The following PLEKHM3 variants were observed in gnomAD, a reference collection of about 807,000 sequenced individuals.
The protein encoded by PLEKHM3 is pleckstrin homology domain containing M3.
Under a neutral mutation model 81.8 loss-of-function variants are expected in PLEKHM3, and 45 were observed. The observed-to-expected ratio is 0.55, with a 90% CI of 0.43 to 0.71. The LOEUF is 0.71. Among genes scored for constraint, PLEKHM3 ranks in the 30% least tolerant of loss-of-function variants. PLEKHM3 has a pLI of 0.00. For synonymous variants in PLEKHM3, 352 were observed against 356.4 expected (o/e 0.99, Z 0.14); for missense variants, 788 against 924.3 (o/e 0.85, Z 1.91).
intron 6 of PLEKHM3, chr2:207,901,130 G>GGGCAACAGGGCTCTCTATCCACCCC: frequency 1.6e-6 from 1 of 630,768 alleles, no homozygotes; most frequent in East Asian, 2.7e-5. Context: ...CTTCTCACCT[G>GGGCAACAGGGCTCTCTATCCACCCC]GGCAACAGGG....
At chr2:207,971,564 TAA>T (rs76822691) in intron 3 of PLEKHM3, among the ~76,000 whole-genome samples, 8 of 138,614 alleles carry the variant, frequency 5.8e-5, no homozygotes, top group Admixed American at 7.2e-5. Context: ...TTTTTTTAAC[TAA>T]AAAAAAAAAA....
rs904477151 is a variant in PLEKHM3 at position 207,989,242 on chromosome 2, T to C, written c.611-11656A>G. On this transcript the variant is annotated intron_variant, in intron 2 of 7. Transcript: ENST00000427836. ...TCGTGTCAACAGAGTTTATAGCCCA[T>C]AGTGGAGAAAAGATGGGCCCCAAAG... 5.3e-5 allele frequency among the ~76,000 whole-genome samples: 8 copies of C among 152,282 alleles called. No individual in the cohort carries two copies. The South Asian group carries it at 1.5e-3, about 28-fold the overall frequency.
chr2:207,943,729 G>A (rs1436192124), intron 4 of PLEKHM3, among the ~76,000 whole-genome samples: 13 of 150,978 alleles, frequency 8.6e-5, no homozygotes, highest in African/African-American at 2.7e-4. Flanking sequence ...TTAGCCGGGC[G>A]TAGTGGCGGG....
chr2:207,934,780 T>A (rs1487972057), intron 4 of PLEKHM3, among the ~76,000 whole-genome samples: 1 of 152,244 alleles, frequency 6.6e-6, no homozygotes, highest in African/African-American at 2.4e-5. Context: ...TGTCACTTGA[T>A]TTGAACATTA....
In PLEKHM3 at chr2:207,898,169, A is replaced by C. The variant is rs564646660; in HGVS notation, c.1950+10345T>G. Among the ~76,000 whole-genome samples, 13 of 152,334 alleles carry C rather than the reference A, an allele frequency of 8.5e-5. No homozygotes were observed. The East Asian group carries it at 2.5e-3, about 29-fold the overall frequency. On this transcript the variant is annotated intron_variant, in intron 6 of 7. Coordinates refer to ENST00000427836, the MANE Select transcript of PLEKHM3 (RefSeq NM_001080475.3). Reference sequence around the variant, plus strand: ...CAAAAGCAGGCATTCTCTATTATAAAGCAGAGGTCAAAACTGGTGGCTGTG... The same window carrying C: ...CAAAAGCAGGCATTCTCTATTATAACGCAGAGGTCAAAACTGGTGGCTGTG...
rs753318137 is a variant in PLEKHM3 at position 207,861,279 on chromosome 2, G to C, written c.1951-17C>G. The C allele has an allele frequency of 1.2e-6, 2 of 1,612,478 alleles. No individual in the cohort carries two copies. Among genetic ancestry groups the C allele is most frequent in the Non-Finnish European group, 1.7e-6 (2 of 1,179,430 alleles). On this transcript the variant is annotated splice_polypyrimidine_tract_variant and intron_variant, in intron 6 of 7. Coordinates refer to ENST00000427836, the MANE Select transcript of PLEKHM3 (RefSeq NM_001080475.3). ...CTCTATTACCTGCAGAAAGAGAAAT[G>C]GGACAGGGAAGCACATTTATTGAGA...
In PLEKHM3 at chr2:207,976,464, T is replaced by C. The variant is rs1043044231; in HGVS notation, c.1546+187A>G. On this transcript the variant is annotated intron_variant, in intron 3 of 7. Coordinates refer to ENST00000427836, the MANE Select transcript of PLEKHM3 (RefSeq NM_001080475.3). The surrounding 1 kb of genome is among the most constrained non-coding windows in gnomAD (Gnocchi z 4.1). ...CAACAGCATGGGATAAAGATGGTTG[T>C]CCTTATGTTTTAATATAGTAATTTA... Among the ~76,000 whole-genome samples, 4 of 152,256 alleles carry C rather than the reference T, an allele frequency of 2.6e-5. No homozygotes were observed. The highest frequency in any genetic ancestry group is 9.6e-5 in the African/African-American group (4 of 41,474).
At chr2:207,884,285 C>T (rs1173689890) in intron 6 of PLEKHM3, among the ~76,000 whole-genome samples, 2 of 152,130 alleles carry the variant, frequency 1.3e-5, no homozygotes, top group South Asian at 2.1e-4. Context: ...GAACTAGATA[C>T]GATGTCTGCT....
At chr2:207,928,359 A>T (rs1330864292) in intron 5 of PLEKHM3, among the ~76,000 whole-genome samples, 1 of 152,376 alleles carries the variant, frequency 6.6e-6, no homozygotes, top group Middle Eastern at 3.4e-3. Context: ...CTTTCTTGAC[A>T]TAGCAGCAGG....
chr2:207,901,671 A>G (rs896369175), intron 6 of PLEKHM3, among the ~76,000 whole-genome samples: 19 of 152,198 alleles, frequency 1.2e-4, no homozygotes, highest in African/African-American at 2.4e-5. Context: ...TCAAAGGATA[A>G]CACTCAATCC....
chr2:207,891,644 A>G (rs1430685583), intron 6 of PLEKHM3, among the ~76,000 whole-genome samples: 5 of 152,258 alleles, frequency 3.3e-5, no homozygotes, highest in Admixed American at 2.6e-4. Context: ...GTCCTAAAGA[A>G]AAAAACCAAA....
chr2:207,927,979 T>TAATTA (rs1559241499), intron 5 of PLEKHM3, among the ~76,000 whole-genome samples: 1 of 152,182 alleles, frequency 6.6e-6, no homozygotes. Context: ...AATTACATTT[T>TAATTA]AATTAAATTT....
In PLEKHM3 at chr2:207,878,621, A is replaced by G. The variant is rs546682746; in HGVS notation, c.1951-17359T>C. Among the ~76,000 whole-genome samples, 37 of 152,330 alleles carry G rather than the reference A, an allele frequency of 2.4e-4. 1 individual carries two copies. In the South Asian group the frequency reaches 7.3e-3, roughly 30 times the overall value. On this transcript the variant is annotated intron_variant, in intron 6 of 7. Transcript: ENST00000427836. Reference sequence around the variant, plus strand: ...GAAACTGTCTCAAAAACAAACAAACAAAACTATTATTTCTGTTATTCACAA... The same window carrying G: ...GAAACTGTCTCAAAAACAAACAAACGAAACTATTATTTCTGTTATTCACAA...
intron 2 of PLEKHM3, among the ~76,000 whole-genome samples, chr2:207,983,051 A>ATTTT (rs3057253): frequency 3.1e-5 from 4 of 130,092 alleles, no homozygotes; most frequent in Admixed American, 8.2e-5. Flanking sequence ...TTAAACATGG[A>ATTTT]TTTTTTTTTT....
At chr2:207,901,060 T>C (rs1381869742) in intron 6 of PLEKHM3, 2 of 581,286 alleles carry the variant, frequency 3.4e-6, no homozygotes, top group South Asian at 2.1e-5. Flanking sequence ...TCAACCGGTA[T>C]TGTTGTCTCT....
At chr2:207,830,537 C>T (rs1277220206) in intron 7 of PLEKHM3, among the ~76,000 whole-genome samples, 3 of 149,092 alleles carry the variant, frequency 2.0e-5, no homozygotes, top group South Asian at 2.1e-4. Flanking sequence ...TGCTTGAACC[C>T]GGGAGGTGGA....
intron 3 of PLEKHM3, among the ~76,000 whole-genome samples, chr2:207,960,189 G>A (rs1444490718): frequency 1.3e-5 from 2 of 152,178 alleles, no homozygotes; most frequent in African/African-American, 4.8e-5. Context: ...TCACAGATGG[G>A]GGAAATTAGG....
intron 6 of PLEKHM3, among the ~76,000 whole-genome samples, chr2:207,867,028 A>G (rs867499625): frequency 6.6e-6 from 1 of 152,234 alleles, no homozygotes; most frequent in Non-Finnish European, 1.5e-5. Context: ...GAGAATATAA[A>G]TTGCTTGAGG....
chr2:207,872,506 C>T (rs1278935597), intron 6 of PLEKHM3, among the ~76,000 whole-genome samples: 1 of 152,102 alleles, frequency 6.6e-6, no homozygotes, highest in African/African-American at 2.4e-5. Context: ...ATTAAAGTTA[C>T]ACAAAATTCT....
Sources: allele counts gnomAD v4.1 joint callset (sites outside exome capture counted in the v4.1 genomes callset), GRCh38; gene constraint gnomAD v4.1.1; non-coding constraint Gnocchi (gnomAD v3.1); transcripts MANE v1.5; gene names NCBI Gene and HGNC (gene_info 2026-07-23, HGNC 2026-07-21).